AFG1L: variants seen among roughly 807,000 people sequenced by gnomAD.
AFG1L encodes AFG1 like ATPase.
In AFG1L, 53 loss-of-function variants were observed where a neutral mutation model predicts 62.2. That is an observed-to-expected ratio of 0.85 (90% CI 0.68 to 1.07). The LOEUF (loss-of-function observed/expected upper bound fraction) is 1.07, where lower values mean the gene tolerates loss of function less well. Ranked by LOEUF, AFG1L falls within the 50% of genes least tolerant of loss-of-function variation. The probability of loss-of-function intolerance (pLI) is 0.00; values close to 1 mark genes in which losing one functional copy is unlikely to be tolerated. For missense variants in AFG1L, 555 were observed against 590.5 expected (o/e 0.94, Z 0.62); for synonymous variants, 228 against 210.3 (o/e 1.08, Z -0.73).
rs539681013 is a variant in AFG1L at position 108,372,476 on chromosome 6, C to T, written c.748+6144C>T. On this transcript the variant is annotated intron_variant, in intron 6 of 12. Coordinates refer to ENST00000368977, the MANE Select transcript of AFG1L (RefSeq NM_145315.5). Reference sequence around the variant, plus strand: ...TCCTGAGTAGCTGGGATTACAGGCACGCACTACCATGCCTGGTGAATTTTT... The same window carrying T: ...TCCTGAGTAGCTGGGATTACAGGCATGCACTACCATGCCTGGTGAATTTTT... 6.7e-4 allele frequency among the ~76,000 whole-genome samples: 102 copies of T among 151,834 alleles called. 1 individual carries two copies. Among genetic ancestry groups the T allele is most frequent in the African/African-American group, 9.4e-4 (39 of 41,416 alleles).
At chr6:108,411,145 A>G (rs1392233095) in intron 7 of AFG1L, among the ~76,000 whole-genome samples, 1 of 152,128 alleles carries the variant, frequency 6.6e-6, no homozygotes, top group Non-Finnish European at 1.5e-5. Context: ...TCCCATGCCC[A>G]TGGAGCCTTG....
chr6:108,321,110 A>G (rs528092619), intron 1 of AFG1L, among the ~76,000 whole-genome samples: 4 of 152,316 alleles, frequency 2.6e-5, no homozygotes, highest in African/African-American at 9.6e-5. Flanking sequence ...GCTCAGTCCC[A>G]TAGAATGTCC....
chr6:108,330,093 C>A (rs988363946), intron 2 of AFG1L, among the ~76,000 whole-genome samples: 1 of 152,110 alleles, frequency 6.6e-6, no homozygotes, highest in African/African-American at 2.4e-5. Context: ...TGCAGAGAGT[C>A]TTCACCAGCA....
intron 2 of AFG1L, among the ~76,000 whole-genome samples, chr6:108,338,111 G>T (rs1473656057): frequency 6.6e-6 from 1 of 152,228 alleles, no homozygotes; most frequent in East Asian, 1.9e-4. Context: ...TCTTGAGCCC[G>T]GGAGGTCAAA....
Position 108,494,176 on chromosome 6 carries a change from C to T in AFG1L, c.1063-16036C>T, listed in dbSNP as rs534831787. On this transcript the variant is annotated intron_variant, in intron 10 of 12. Transcript: ENST00000368977. ...ATGCCAATTGTTTCCATCCCCGCTC[C>T]CCCTGCTCCCCTGCCCCAGTGAGTC... Among the ~76,000 whole-genome samples the T allele has an allele frequency of 3.9e-5, 6 of 152,086 alleles. No homozygotes were observed. In the East Asian group the frequency reaches 5.8e-4, roughly 15 times the overall value.
intron 7 of AFG1L, among the ~76,000 whole-genome samples, chr6:108,423,512 A>G (rs1770688406): frequency 6.6e-6 from 1 of 152,102 alleles, no homozygotes; most frequent in Admixed American, 6.6e-5. Flanking sequence ...TTCTTCTGCC[A>G]TAGTGAATTT....
intron 6 of AFG1L, among the ~76,000 whole-genome samples, chr6:108,390,641 C>T (rs1165254298): frequency 6.6e-6 from 1 of 152,226 alleles, no homozygotes; most frequent in Non-Finnish European, 1.5e-5. Flanking sequence ...ACTCCAGACG[C>T]TGTTTGCCTG....
chr6:108,445,865 C>T (rs2355851), intron 7 of AFG1L, among the ~76,000 whole-genome samples: 91,586 of 151,844 alleles, frequency 0.6, 27,859 homozygotes, highest in Middle Eastern at 0.73. Context: ...GTTTGAAATA[C>T]TACAAGAATT....
At chr6:108,449,772 C>T (rs367604382) in intron 8 of AFG1L, among the ~76,000 whole-genome samples, 47 of 152,206 alleles carry the variant, frequency 3.1e-4, no homozygotes, top group African/African-American at 1.0e-3. Context: ...CAACAACAGG[C>T]CCTGGTGTGT....
intron 8 of AFG1L, among the ~76,000 whole-genome samples, chr6:108,448,879 A>G (rs1167039370): frequency 1.3e-5 from 2 of 152,092 alleles, no homozygotes; most frequent in Admixed American, 6.6e-5. Context: ...GCCAGGCACA[A>G]TGGCTCATGC....
chr6:108,505,382 G>A (rs1004464249), intron 10 of AFG1L, among the ~76,000 whole-genome samples: 2 of 152,102 alleles, frequency 1.3e-5, no homozygotes, highest in Non-Finnish European at 2.9e-5. Context: ...ATGAACCACT[G>A]CGCCCAGCCA....
At chr6:108,458,804 T>C (rs572408421) in intron 8 of AFG1L, among the ~76,000 whole-genome samples, 1 of 151,298 alleles carries the variant, frequency 6.6e-6, no homozygotes, top group East Asian at 1.9e-4. Context: ...CCTTTCATGC[T>C]TTTTTTTTAT....
intron 5 of AFG1L, among the ~76,000 whole-genome samples, chr6:108,357,549 C>T (rs1779339811): frequency 6.6e-6 from 1 of 152,218 alleles, no homozygotes; most frequent in South Asian, 2.1e-4. Context: ...ATCTCCCCTA[C>T]ACCACAAAGA....
Position 108,366,315 on chromosome 6 carries a change from C to A in AFG1L, c.731C>A (p.Ser244Tyr). The part of the protein sequence containing the change: ...FKNGVVVVAT[S>Y]NRPPEDLYKN... ...AACGGGGTCGTCGTTGTGGCAACAT[C>A]CAACAGGCCACCGGAAGGTAAAAAC... Residue 244 changes from serine (S) to tyrosine (Y), a missense_variant, in exon 6 of 13, where the codon TCC becomes TAC. Physicochemically the swap from Ser to Tyr is moderately radical, Grantham distance 144. Coordinates refer to ENST00000368977, the MANE Select transcript of AFG1L (RefSeq NM_145315.5). 1.9e-6 allele frequency: 3 copies of A among 1,610,986 alleles called. No individual in the cohort carries two copies. Among genetic ancestry groups the A allele is most frequent in the Non-Finnish European group, 2.5e-6 (3 of 1,177,776 alleles).
chr6:108,302,992 A>G (rs899092624), intron 1 of AFG1L, among the ~76,000 whole-genome samples: 1 of 151,846 alleles, frequency 6.6e-6, no homozygotes, highest in Non-Finnish European at 1.5e-5. Flanking sequence ...CACCCACTGC[A>G]ACCTCCGCCT....
intron 7 of AFG1L, among the ~76,000 whole-genome samples, chr6:108,406,537 A>C (rs1027348429): frequency 4.6e-5 from 7 of 152,160 alleles, no homozygotes; most frequent in African/African-American, 7.2e-5. Context: ...TCCTGGGTTC[A>C]AGTGATTCTC....
intron 7 of AFG1L, among the ~76,000 whole-genome samples, chr6:108,441,718 T>TATATATATATATAA (rs1771560843): frequency 7.2e-6 from 1 of 138,316 alleles, no homozygotes; most frequent in Non-Finnish European, 1.5e-5. Flanking sequence ...AAAAAATATA[T>TATATATATATATAA]ATATATATAT....
chr6:108,487,095 G>A (rs72938697), intron 10 of AFG1L, among the ~76,000 whole-genome samples: 4,117 of 152,340 alleles, frequency 0.027, 93 homozygotes, highest in Non-Finnish European at 0.038. Flanking sequence ...CTCTCAAAGA[G>A]TTTACAGTTT....
intron 8 of AFG1L, among the ~76,000 whole-genome samples, chr6:108,467,144 C>T (rs1160632039): frequency 6.6e-6 from 1 of 152,052 alleles, no homozygotes; most frequent in Admixed American, 6.6e-5. Context: ...GAATATTTGT[C>T]AACCAGCAAA....
Sources: gnomAD v4.1 joint callset for allele counts (sites outside exome capture counted in the v4.1 genomes callset) on GRCh38, gnomAD v4.1.1 for gene constraint, MANE v1.5 for transcripts, NCBI Gene and HGNC (gene_info 2026-07-23, HGNC 2026-07-21) for gene names.